ELFN2: variants seen among roughly 807,000 people sequenced by gnomAD.
ELFN2 encodes extracellular leucine rich repeat and fibronectin type III domain containing 2.
A neutral mutation model predicts 45.5 loss-of-function variants in ELFN2; 17 were observed. The observed-to-expected ratio is 0.37, with a 90% confidence interval of 0.26 to 0.56. The LOEUF (loss-of-function observed/expected upper bound fraction) is 0.56. ELFN2 is among the 20% of genes least tolerant of loss of function. ELFN2 has a pLI of 0.77. For synonymous variants in ELFN2, 550 were observed against 551.5 expected, an observed-to-expected ratio of 1.00 and a Z score of 0.04; for missense variants, 922 against 1,183.2, an observed-to-expected ratio of 0.78 and a Z score of 3.24.
At chr22:37,401,019 C>A (rs141097963) in intron 2 of ELFN2, among the ~76,000 whole-genome samples, 1 of 152,242 alleles carries the variant, frequency 6.6e-6, no homozygotes, top group Admixed American at 6.5e-5. Context: ...ATGACCTCAA[C>A]AGACATGGCA....
At chr22:37,404,372 C>T (rs149227653) in intron 2 of ELFN2, among the ~76,000 whole-genome samples, 68 of 152,020 alleles carry the variant, frequency 4.5e-4, no homozygotes, top group African/African-American at 8.7e-4. Flanking sequence ...TCAGGCTTAG[C>T]GAAGAGAGTC....
Position 37,373,238 on chromosome 22 carries a change from G to C in ELFN2, c.2297C>G (p.Thr766Arg). The C allele has an allele frequency of 6.2e-7, 1 of 1,613,906 alleles. No individual in the cohort carries two copies. Among genetic ancestry groups the C allele is most frequent in the East Asian group, 2.2e-5 (1 of 44,886 alleles). ...CCGGAAGCGCTCCCAGATCTTGTGC[G>C]TGCTCTCGGATGAGTACTCGGGGCT... ...SSSPEYSSES[T>R]HKIWERFRPY... Residue 766 changes from threonine to arginine, a missense_variant, in exon 3 of 3, where the codon ACG (threonine) becomes AGG (arginine). This residue lies in a region of ELFN2 where 564 missense variants were observed against 642.8 expected (regional missense o/e 0.88). Transcript: ENST00000402918.
intron 1 of ELFN2, among the ~76,000 whole-genome samples, chr22:37,426,544 C>T (rs1461624845): frequency 6.6e-6 from 1 of 150,804 alleles, no homozygotes; most frequent in South Asian, 2.1e-4. Context: ...ATGCACACGG[C>T]GCCCCACCAG....
chr22:37,421,782 C>T (rs557341556), intron 1 of ELFN2, among the ~76,000 whole-genome samples: 63 of 152,320 alleles, frequency 4.1e-4, no homozygotes, highest in African/African-American at 1.5e-3. Flanking sequence ...TACCAGTCTC[C>T]GCCTGCACAG....
At chr22:37,345,679 C>T (rs1845959165) in intron 1 of ELFN2, among the ~76,000 whole-genome samples, 1 of 151,952 alleles carries the variant, frequency 6.6e-6, no homozygotes, top group African/African-American at 2.4e-5. Flanking sequence ...TCCGGAGTAG[C>T]TGGGACTAGA....
downstream of ELFN2, among the ~76,000 whole-genome samples, chr22:37,365,377 G>C (rs11912972): frequency 0.011 from 1,629 of 152,250 alleles, 27 homozygotes; most frequent in African/African-American, 0.038. Flanking sequence ...AGTCACCTTG[G>C]AACTGTCAAC....
At chr22:37,405,178 C>T (rs546022712) in intron 2 of ELFN2, among the ~76,000 whole-genome samples, 29 of 151,344 alleles carry the variant, frequency 1.9e-4, no homozygotes, top group East Asian at 5.9e-4. Flanking sequence ...CTGCAACCTC[C>T]GCCTCCCGGG....
intron 2 of ELFN2, among the ~76,000 whole-genome samples, chr22:37,412,439 G>T (rs1390327398): frequency 6.6e-6 from 1 of 152,006 alleles, no homozygotes; most frequent in African/African-American, 2.4e-5. Context: ...AGACTAAGAG[G>T]TCCCAGGACT....
At chr22:37,363,820 C>A (rs146804002), downstream of ELFN2, among the ~76,000 whole-genome samples, 1 of 152,160 alleles carries the variant, frequency 6.6e-6, no homozygotes, top group African/African-American at 2.4e-5. Flanking sequence ...ACGGCAGGGC[C>A]GAGAGCAGCC....
At chr22:37,420,735 G>A (rs1201915659) in intron 1 of ELFN2, among the ~76,000 whole-genome samples, 1 of 152,186 alleles carries the variant, frequency 6.6e-6, no homozygotes, top group Non-Finnish European at 1.5e-5. Flanking sequence ...TTTAATGAGG[G>A]ACTCCTTAAA....
At chr22:37,405,281 G>A (rs562709023) in intron 2 of ELFN2, among the ~76,000 whole-genome samples, 6 of 151,774 alleles carry the variant, frequency 4.0e-5, no homozygotes, top group Non-Finnish European at 8.8e-5. Context: ...TTAGTAGAGA[G>A]GGGGTTTCGC....
rs1931261828 is a variant in ELFN2, at chr22:37,368,448, G to A, written c.*4624C>T. ...CCCTTCCTCTCCCTCCTGCTCAGCA[G>A]GACTGCCTGACCTTTAGTGAGGCCT... On this transcript the variant is annotated 3_prime_UTR_variant, in exon 3 of 3. Transcript: ENST00000402918. 1 of 152,404 alleles carries A rather than the reference G, an allele frequency of 6.6e-6. No individual in the cohort carries two copies. The highest frequency in any genetic ancestry group is 1.5e-5 in the Non-Finnish European group (1 of 68,162). 9.4% of individuals were successfully genotyped at this position (152,404 alleles called of 1,614,324 possible). A position where few individuals can be genotyped will look rare whatever the true frequency, so the allele number is the denominator to read the frequency against.
At chr22:37,383,328 G>T (rs1931841253) in intron 2 of ELFN2, among the ~76,000 whole-genome samples, 1 of 152,192 alleles carries the variant, frequency 6.6e-6, no homozygotes, top group African/African-American at 2.4e-5. Context: ...CACACACACG[G>T]CCAGGCAGCC....
At chr22:37,424,516 GT>G (rs1366092264) in intron 1 of ELFN2, among the ~76,000 whole-genome samples, 7 of 139,820 alleles carry the variant, frequency 5.0e-5, no homozygotes, top group African/African-American at 1.9e-4. Flanking sequence ...TGACCTGGGA[GT>G]CAAGAGCAGC....
intron 2 of ELFN2, among the ~76,000 whole-genome samples, chr22:37,395,532 A>ATCTCCTTC (rs1463138040): frequency 6.6e-6 from 1 of 152,094 alleles, no homozygotes; most frequent in African/African-American, 2.4e-5. Flanking sequence ...CTCTGCCCAG[A>ATCTCCTTC]TCTCCTTCCC....
intron 2 of ELFN2, among the ~76,000 whole-genome samples, chr22:37,414,250 A>G (rs1351357922): frequency 6.6e-6 from 1 of 152,296 alleles, no homozygotes; most frequent in South Asian, 2.1e-4. Flanking sequence ...AACAGCATCA[A>G]GTTGTGTTAA....
chr22:37,383,818 C>T (rs1184249540), intron 2 of ELFN2, among the ~76,000 whole-genome samples: 4 of 152,204 alleles, frequency 2.6e-5, no homozygotes, highest in Non-Finnish European at 5.9e-5. Flanking sequence ...ACAGCCAAGG[C>T]GTCAGGGTCT....
In ELFN2 at chr22:37,373,004, G is replaced by C. The variant is rs144435849; in HGVS notation, c.*68C>G. On this transcript the variant is annotated 3_prime_UTR_variant, in exon 3 of 3. Transcript: ENST00000402918. ...CCCGAGTCTGCTCCCCGCCCTGGCCGCCTGGACCCTTCCCCCAAAAGGCCC... is the reference window on the plus strand; with the variant it reads ...CCCGAGTCTGCTCCCCGCCCTGGCCCCCTGGACCCTTCCCCCAAAAGGCCC... The C allele has an allele frequency of 6.6e-7, 1 of 1,513,320 alleles. No individual in the cohort carries two copies. Among genetic ancestry groups the C allele is most frequent in the Non-Finnish European group, 8.8e-7 (1 of 1,132,662 alleles). 93.7% of individuals were successfully genotyped at this position (1,513,320 alleles called of 1,614,324 possible).
chr22:37,394,685 C>T (rs1214571645), intron 2 of ELFN2, among the ~76,000 whole-genome samples: 1 of 152,218 alleles, frequency 6.6e-6, no homozygotes, highest in African/African-American at 2.4e-5. Flanking sequence ...TCCTACGGGC[C>T]GTGGTGACTG....
Sources: gnomAD v4.1 joint callset for allele counts (sites outside exome capture counted in the v4.1 genomes callset) on GRCh38, gnomAD v4.1.1 for gene constraint, gnomAD v4.1.1 regional missense constraint, MANE v1.5 for transcripts, NCBI Gene and HGNC (gene_info 2026-07-23, HGNC 2026-07-21) for gene names.